The following PLD1 variants were observed in gnomAD, a reference collection of about 807,000 sequenced individuals.
PLD1 encodes choline phosphatase 1.
A neutral mutation model predicts 137.1 loss-of-function variants in PLD1; 112 were observed. That is an observed-to-expected ratio of 0.82 (90% CI 0.70 to 0.96). PLD1 has a LOEUF of 0.96. Ranked by LOEUF, PLD1 falls within the 40% of genes least tolerant of loss-of-function variation. The probability of loss-of-function intolerance (pLI) is 0.00; values close to 1 mark genes in which losing one functional copy is unlikely to be tolerated. For missense variants in PLD1, 1,321 were observed against 1,342.0 expected, an observed-to-expected ratio of 0.98 and a Z score of 0.24; for synonymous variants, 431 against 454.7, an observed-to-expected ratio of 0.95 and a Z score of 0.66.
chr3:171,711,317 C>T (rs562604044), intron 9 of PLD1, among the ~76,000 whole-genome samples: 157 of 151,622 alleles, frequency 1.0e-3, no homozygotes, highest in African/African-American at 3.3e-3. Flanking sequence ...ACTACAGGCG[C>T]GCACCATCAT....
intron 11 of PLD1, among the ~76,000 whole-genome samples, chr3:171,703,794 G>A (rs1716442667): frequency 6.6e-6 from 1 of 152,182 alleles, no homozygotes; most frequent in Admixed American, 6.5e-5. Context: ...CATTGGCACA[G>A]AGAGAACTTC....
At chr3:171,784,205 A>G (rs960222233) in intron 1 of PLD1, among the ~76,000 whole-genome samples, 1 of 152,196 alleles carries the variant, frequency 6.6e-6, no homozygotes, top group Non-Finnish European at 1.5e-5. Context: ...GTCTCAGCTC[A>G]ACTCTTTGTG....
chr3:171,647,877 G>GT (rs149107159), intron 21 of PLD1, among the ~76,000 whole-genome samples: 4,389 of 152,136 alleles, frequency 0.029, 154 homozygotes, highest in African/African-American at 0.084. Context: ...TAACTACCCT[G>GT]TTTTTCCCTG....
At chr3:171,715,305 A>G (rs771901760) in intron 8 of PLD1, among the ~76,000 whole-genome samples, 2 of 152,122 alleles carry the variant, frequency 1.3e-5, no homozygotes, top group African/African-American at 4.8e-5. Flanking sequence ...ATTCTGTTCT[A>G]CTGGTCATGT....
intron 20 of PLD1, among the ~76,000 whole-genome samples, chr3:171,660,904 C>T (rs577807388): frequency 1.2e-3 from 178 of 152,156 alleles, no homozygotes; most frequent in Non-Finnish European, 7.9e-4. Flanking sequence ...CCACCGTGCC[C>T]GGCCAGAAAA....
chr3:171,754,827 T>C (rs1422834794), intron 1 of PLD1, among the ~76,000 whole-genome samples: 1 of 152,192 alleles, frequency 6.6e-6, no homozygotes. Flanking sequence ...ACCAGAGATT[T>C]GCCCTGTGAC....
chr3:171,719,374 C>T (rs1039543053), intron 8 of PLD1, among the ~76,000 whole-genome samples: 2 of 152,190 alleles, frequency 1.3e-5, no homozygotes, highest in Non-Finnish European at 2.9e-5. Flanking sequence ...TCCCTGGGAA[C>T]AGGAAATGTG....
At chr3:171,682,812 A>G (rs1273685788) in intron 16 of PLD1, among the ~76,000 whole-genome samples, 2 of 151,818 alleles carry the variant, frequency 1.3e-5, no homozygotes, top group East Asian at 1.9e-4. Flanking sequence ...CCTTTTAAAA[A>G]CTCCAGGATC....
chr3:171,730,646 C>CTTTTTTT (rs35101789), intron 6 of PLD1, among the ~76,000 whole-genome samples: 11 of 134,984 alleles, frequency 8.1e-5, no homozygotes, highest in African/African-American at 3.2e-4. Context: ...TCTATCTCCA[C>CTTTTTTT]TTTTTTTTTT....
intron 1 of PLD1, among the ~76,000 whole-genome samples, chr3:171,791,208 T>C (rs1014048486): frequency 6.6e-6 from 1 of 152,210 alleles, no homozygotes; most frequent in African/African-American, 2.4e-5. Flanking sequence ...CCAAATCCAC[T>C]TATTCAACAG....
Position 171,726,941 on chromosome 3 carries a change from A to C in PLD1, c.607-865T>G, listed in dbSNP as rs1718562545. On this transcript the variant is annotated intron_variant, in intron 6 of 26. Transcript: ENST00000351298. Reference sequence around the variant, plus strand: ...AGTAAATATTTTGGGCTTTGTGGGCATACATTCCATTTTGCATCTACTTCG... The same window carrying C: ...AGTAAATATTTTGGGCTTTGTGGGCCTACATTCCATTTTGCATCTACTTCG... 1.3e-5 allele frequency among the ~76,000 whole-genome samples: 2 copies of C among 152,240 alleles called. 1 individual carries two copies. Among genetic ancestry groups the C allele is most frequent in the African/African-American group, 4.8e-5 (2 of 41,464 alleles).
intron 8 of PLD1, among the ~76,000 whole-genome samples, chr3:171,720,629 T>C (rs4894743): frequency 0.36 from 54,879 of 151,734 alleles, 11,047 homozygotes; most frequent in African/African-American, 0.52. Context: ...CTAAATTATA[T>C]GTTATCATCT....
At chr3:171,650,643 T>TAAAACC (rs1232940363) in intron 21 of PLD1, among the ~76,000 whole-genome samples, 2 of 152,156 alleles carry the variant, frequency 1.3e-5, no homozygotes, top group Non-Finnish European at 2.9e-5. Context: ...AAACTAAAAC[T>TAAAACC]AAAACCCCTC....
chr3:171,749,711 A>T (rs771021943), intron 1 of PLD1, among the ~76,000 whole-genome samples: 2 of 152,206 alleles, frequency 1.3e-5, no homozygotes, highest in African/African-American at 4.8e-5. Flanking sequence ...TTCCAGCTTG[A>T]AGAAACAAAG....
intron 24 of PLD1, among the ~76,000 whole-genome samples, chr3:171,615,242 T>C (rs910665971): frequency 1.3e-5 from 2 of 152,302 alleles, no homozygotes; most frequent in Non-Finnish European, 2.9e-5. Context: ...CTGTTAACAA[T>C]AGTAGGTGCT....
chr3:171,776,498 C>G (rs1013071369), intron 1 of PLD1, among the ~76,000 whole-genome samples: 5 of 152,194 alleles, frequency 3.3e-5, no homozygotes, highest in South Asian at 4.1e-4. Context: ...GCCATTGGCT[C>G]TAACCAAGAC....
chr3:171,771,542 AAAACCATAACAC>A (rs1467182112), intron 1 of PLD1, among the ~76,000 whole-genome samples: 1 of 152,242 alleles, frequency 6.6e-6, no homozygotes, highest in Non-Finnish European at 1.5e-5. Context: ...GCTGCCCAAG[AAAACCATAACAC>A]AAACTTAAAC....
intron 1 of PLD1, among the ~76,000 whole-genome samples, chr3:171,762,316 A>G (rs1230137096): frequency 6.6e-6 from 1 of 152,258 alleles, no homozygotes; most frequent in African/African-American, 2.4e-5. Context: ...TTTTATATCC[A>G]AAAACATCTC....
At chr3:171,682,248 T>C (rs781268215) in intron 16 of PLD1, among the ~76,000 whole-genome samples, 1 of 152,120 alleles carries the variant, frequency 6.6e-6, no homozygotes, top group Non-Finnish European at 1.5e-5. Context: ...TCTTAGAACA[T>C]AATTCTGAAT....
Sources: gnomAD v4.1 joint callset for allele counts (sites outside exome capture counted in the v4.1 genomes callset) on GRCh38, gnomAD v4.1.1 for gene constraint, MANE v1.5 for transcripts, NCBI Gene and HGNC (gene_info 2026-07-23, HGNC 2026-07-21) for gene names.